Variants in IL1RAPL2 observed in about 807,000 individuals in gnomAD.
IL1RAPL2 encodes X-linked interleukin-1 receptor accessory protein-like 2.
A neutral mutation model predicts 44.1 loss-of-function variants in IL1RAPL2; 3 were observed. The observed-to-expected ratio is 0.07, with a 90% CI of 0.03 to 0.18. The LOEUF (loss-of-function observed/expected upper bound fraction) is 0.18, where lower values mean the gene tolerates loss of function less well. Ranked by LOEUF, IL1RAPL2 falls within the 10% of genes least tolerant of loss-of-function variation. The pLI, the probability that IL1RAPL2 is intolerant of heterozygous loss-of-function variation, is 1.00. For synonymous variants in IL1RAPL2, 181 were observed against 178.8 expected (o/e 1.01, Z -0.10); for missense variants, 391 against 496.4 (o/e 0.79, Z 2.02).
intron 2 of IL1RAPL2, among the ~76,000 whole-genome samples, chrX:104,685,928 AAAAT>A (rs903712920): frequency 8.2e-5 from 9 of 109,576 alleles, no homozygotes; most frequent in Admixed American, 2.9e-4. Context: ...ACTCTGTCTC[AAAAT>A]AAATAAATAA....
chrX:104,894,572 T>G (rs1049016626), intron 2 of IL1RAPL2, among the ~76,000 whole-genome samples: 3 of 112,283 alleles, frequency 2.7e-5, no homozygotes, highest in African/African-American at 9.7e-5. Context: ...TTCCAGTTGA[T>G]CGAATCGGCT....
intron 6 of IL1RAPL2, among the ~76,000 whole-genome samples, chrX:105,536,425 TA>T (rs60312385): frequency 0.098 from 8,980 of 91,979 alleles, 938 homozygotes; most frequent in African/African-American, 0.31. Context: ...TTTTATATGG[TA>T]AAAAAAAAAA....
chrX:105,507,949 A>G (rs1206137388), intron 6 of IL1RAPL2, among the ~76,000 whole-genome samples: 1 of 111,235 alleles, frequency 9.0e-6, no homozygotes, highest in Non-Finnish European at 1.9e-5. Context: ...ATGAAAACAC[A>G]TTGAGGGGAA....
At chrX:104,901,931 T>C (rs1182421217) in intron 2 of IL1RAPL2, among the ~76,000 whole-genome samples, 2 of 112,312 alleles carry the variant, frequency 1.8e-5, no homozygotes, top group Non-Finnish European at 3.8e-5. Context: ...GTTTACATTA[T>C]GCTGACAATT....
At chrX:105,046,674 A>G (rs1388791811) in intron 2 of IL1RAPL2, among the ~76,000 whole-genome samples, 3 of 111,359 alleles carry the variant, frequency 2.7e-5, no homozygotes, top group Middle Eastern at 4.6e-3. Flanking sequence ...GTTGGTGACC[A>G]TCAGCATTAT....
chrX:104,672,253 C>T (rs1379561715), intron 2 of IL1RAPL2, among the ~76,000 whole-genome samples: 1 of 111,200 alleles, frequency 9.0e-6, no homozygotes, highest in African/African-American at 3.3e-5. Context: ...TATCCCTCCC[C>T]CACCCATAAC....
chrX:105,336,648 A>G (rs778308950), intron 5 of IL1RAPL2, among the ~76,000 whole-genome samples: 1 of 111,816 alleles, frequency 8.9e-6, no homozygotes, highest in African/African-American at 3.3e-5. Context: ...CACAATCTCT[A>G]CATTTATGTC....
Position 105,243,605 on chromosome X carries a change from A to AT in IL1RAPL2, c.543+9611dup, listed in dbSNP as rs1302757097. Among the ~76,000 whole-genome samples the AT allele has an allele frequency of 1.7e-3, 161 of 97,375 alleles. 2 individuals carry two copies. Among genetic ancestry groups the AT allele is most frequent in the African/African-American group, 5.2e-3 (131 of 25,340 alleles). The allele number at this position is 97,375 out of a possible 115,157, so 84.6% of individuals were successfully genotyped here. On this transcript the variant is annotated intron_variant, in intron 4 of 10. Transcript: ENST00000372582. ...TATATGTGTATATATATATATATAT[A>AT]TTTTTTTTTTACAAAAGAGTTTTAA...
chrX:105,110,414 A>T (rs1055458943), intron 2 of IL1RAPL2, among the ~76,000 whole-genome samples: 6 of 112,095 alleles, frequency 5.4e-5, no homozygotes, highest in Middle Eastern at 4.2e-3. Flanking sequence ...GTACAGTGTG[A>T]ATACAATAGC....
chrX:105,567,130 G>T (rs1169242163), intron 6 of IL1RAPL2, among the ~76,000 whole-genome samples: 1 of 111,485 alleles, frequency 9.0e-6, no homozygotes, highest in East Asian at 2.8e-4. Context: ...GCCAGTTCCT[G>T]TTAGAAAAAG....
At chrX:105,041,206 T>A (rs1290873976) in intron 2 of IL1RAPL2, among the ~76,000 whole-genome samples, 1 of 111,637 alleles carries the variant, frequency 9.0e-6, no homozygotes, top group Non-Finnish European at 1.9e-5. Flanking sequence ...AGTTTCTTAA[T>A]CCTAAGTTCT....
intron 2 of IL1RAPL2, among the ~76,000 whole-genome samples, chrX:105,176,518 G>T (rs1056866694): frequency 9.1e-6 from 1 of 110,290 alleles, no homozygotes; most frequent in Non-Finnish European, 1.9e-5. Flanking sequence ...GGCATCCTGA[G>T]AGCCCCAGTC....
At chrX:105,541,763 C>T (rs756566230) in intron 6 of IL1RAPL2, among the ~76,000 whole-genome samples, 24 of 110,742 alleles carry the variant, frequency 2.2e-4, no homozygotes, top group Non-Finnish European at 4.5e-4. Context: ...TTCTCTCAAC[C>T]TTTTTCTACA....
intron 2 of IL1RAPL2, 71 bp from the exon 3 acceptor site, chrX:105,195,404 A>G: frequency 9.9e-7 from 1 of 1,015,201 alleles, no homozygotes; most frequent in Non-Finnish European, 1.4e-6. Context: ...CATGTTGGTG[A>G]TGATTACTGC....
chrX:104,892,389 C>T (rs1020648908), intron 2 of IL1RAPL2, among the ~76,000 whole-genome samples: 1 of 111,673 alleles, frequency 9.0e-6, no homozygotes, highest in Non-Finnish European at 1.9e-5. Context: ...CCTCCTTGTA[C>T]CTCTAGTAGA....
chrX:105,446,362 G>T (rs1238657290), intron 5 of IL1RAPL2, among the ~76,000 whole-genome samples: 1 of 110,654 alleles, frequency 9.0e-6, no homozygotes, highest in Non-Finnish European at 1.9e-5. Context: ...TACATCTTTT[G>T]ATTGGAGAGT....
At chrX:104,939,040 T>A (rs1925094431) in intron 2 of IL1RAPL2, among the ~76,000 whole-genome samples, 1 of 92,131 alleles carries the variant, frequency 1.1e-5, no homozygotes, top group African/African-American at 3.9e-5. Context: ...TAATCAACAA[T>A]GCATGCTAGC....
At chrX:105,404,894 C>G (rs7054604) in intron 5 of IL1RAPL2, among the ~76,000 whole-genome samples, 5,117 of 111,780 alleles carry the variant, frequency 0.046, 309 homozygotes, top group African/African-American at 0.16. Flanking sequence ...ACTACATAGA[C>G]ACCTAGGTTA....
chrX:105,045,716 T>C (rs759254221), intron 2 of IL1RAPL2, among the ~76,000 whole-genome samples: 150 of 110,470 alleles, frequency 1.4e-3, no homozygotes, highest in Non-Finnish European at 2.3e-3. Context: ...CTTGGCTAAC[T>C]TTTTAAAATT....
Sources: allele counts gnomAD v4.1 joint callset (sites outside exome capture counted in the v4.1 genomes callset), GRCh38; gene constraint gnomAD v4.1.1; transcripts MANE v1.5; gene names NCBI Gene and HGNC (gene_info 2026-07-23, HGNC 2026-07-21).